Variants in ANKS1B observed in about 807,000 individuals in gnomAD.
ANKS1B encodes the protein ankyrin repeat and sterile alpha motif domain-containing protein 1B.
Under a neutral mutation model 148.3 loss-of-function variants are expected in ANKS1B, and 36 were observed. The ratio of observed to expected loss-of-function variants is 0.24; its 90% CI spans 0.19 to 0.32. The LOEUF (loss-of-function observed/expected upper bound fraction) is 0.32. Ranked by LOEUF, ANKS1B falls within the 10% of genes least tolerant of loss-of-function variation. ANKS1B has a pLI of 1.00. For synonymous variants in ANKS1B, 542 were observed against 560.8 expected (o/e 0.97, Z 0.47); for missense variants, 1,157 against 1,542.6 (o/e 0.75, Z 4.19).
At chr12:99,530,687 C>G (rs978554063) in intron 9 of ANKS1B, among the ~76,000 whole-genome samples, 1 of 151,992 alleles carries the variant, frequency 6.6e-6, no homozygotes, top group South Asian at 2.1e-4. Context: ...ATTTAATCTA[C>G]AGACAGAGGT....
At chr12:99,978,702 C>T (rs1314658388) in intron 1 of ANKS1B, among the ~76,000 whole-genome samples, 1 of 152,116 alleles carries the variant, frequency 6.6e-6, no homozygotes, top group Non-Finnish European at 1.5e-5. Flanking sequence ...CTGTTATCTC[C>T]CTGTATTCAT....
Position 98,868,948 on chromosome 12 carries a change from T to C in ANKS1B, c.2779-36812A>G, listed in dbSNP as rs147742683. Among the ~76,000 whole-genome samples, 14 of 152,330 alleles carry C rather than the reference T, an allele frequency of 9.2e-5. No individual in the cohort carries two copies. In the East Asian group the frequency reaches 2.7e-3, roughly 29 times the overall value. On this transcript the variant is annotated intron_variant, in intron 17 of 26. Coordinates refer to ENST00000683438, the MANE Select transcript of ANKS1B (RefSeq NM_001352186.2). ...ATCTCCTCAAGAGTCCTTTGAGAGA[T>C]ATATTTTATAACTGTTTTGTAGAAA...
intron 14 of ANKS1B, among the ~76,000 whole-genome samples, chr12:99,159,130 G>A (rs1358407921): frequency 6.6e-6 from 1 of 152,096 alleles, no homozygotes; most frequent in Non-Finnish European, 1.5e-5. Flanking sequence ...CCCCATGCCT[G>A]GAAGAGTGGC....
intron 4 of ANKS1B, among the ~76,000 whole-genome samples, chr12:99,798,442 A>C (rs1426983731): frequency 2.0e-5 from 3 of 151,434 alleles, no homozygotes; most frequent in Non-Finnish European, 4.4e-5. Context: ...AAAAAAAAAA[A>C]ACAAAAGATA....
chr12:99,609,604 C>T (rs1448774902), intron 9 of ANKS1B, among the ~76,000 whole-genome samples: 1 of 151,664 alleles, frequency 6.6e-6, no homozygotes, highest in East Asian at 1.9e-4. Flanking sequence ...ATTCAGGGAC[C>T]TCATCCACTG....
At chr12:99,255,698 T>C (rs1345911906) in intron 12 of ANKS1B, among the ~76,000 whole-genome samples, 1 of 152,176 alleles carries the variant, frequency 6.6e-6, no homozygotes, top group Non-Finnish European at 1.5e-5. Context: ...AAGTTAGTAT[T>C]ATGGCATCTC....
At chr12:99,173,323 A>C (rs11109750) in intron 14 of ANKS1B, among the ~76,000 whole-genome samples, 1 of 152,016 alleles carries the variant, frequency 6.6e-6, no homozygotes, top group Non-Finnish European at 1.5e-5. Context: ...GCTTATTTCC[A>C]TTTTCTACTA....
intron 8 of ANKS1B, among the ~76,000 whole-genome samples, chr12:99,702,737 G>C (rs527851581): frequency 9.3e-5 from 14 of 150,538 alleles, no homozygotes; most frequent in Admixed American, 5.3e-4. Context: ...TAGAGGCAGA[G>C]TTTCCCTATG....
chr12:99,648,796 C>T (rs2098398790), intron 9 of ANKS1B: 1 of 1,604,842 alleles, frequency 6.2e-7, no homozygotes, highest in Non-Finnish European at 8.5e-7. Flanking sequence ...AGTGGTGAGT[C>T]TATGCAGAGA....
chr12:99,416,911 A>G (rs2094926982), intron 11 of ANKS1B, among the ~76,000 whole-genome samples: 1 of 152,134 alleles, frequency 6.6e-6, no homozygotes, highest in Admixed American at 6.5e-5. Flanking sequence ...GAGCATAAAC[A>G]GAGGTGGGGA....
At chr12:99,622,608 T>C (rs527442469) in intron 9 of ANKS1B, among the ~76,000 whole-genome samples, 1 of 152,028 alleles carries the variant, frequency 6.6e-6, no homozygotes, top group African/African-American at 2.4e-5. Flanking sequence ...TGAACAGTTA[T>C]GTGCATACAG....
At chr12:98,846,245 C>T (rs2099467750) in intron 17 of ANKS1B, among the ~76,000 whole-genome samples, 2 of 152,290 alleles carry the variant, frequency 1.3e-5, no homozygotes, top group African/African-American at 4.8e-5. Context: ...TAAAGGAATT[C>T]TTAGGAGCAG....
At chr12:99,380,615 A>G (rs1294776638) in intron 12 of ANKS1B, among the ~76,000 whole-genome samples, 1 of 152,232 alleles carries the variant, frequency 6.6e-6, no homozygotes, top group Non-Finnish European at 1.5e-5. Context: ...ATGATTTAAA[A>G]TTAGCTTAAG....
At chr12:98,972,243 T>C (rs2099883783) in intron 17 of ANKS1B, among the ~76,000 whole-genome samples, 1 of 152,220 alleles carries the variant, frequency 6.6e-6, no homozygotes, top group Non-Finnish European at 1.5e-5. Context: ...CATTGCATTG[T>C]TTTGACAAGT....
intron 16 of ANKS1B, among the ~76,000 whole-genome samples, chr12:99,079,337 A>G (rs1363526407): frequency 2.0e-5 from 3 of 152,228 alleles, no homozygotes; most frequent in Non-Finnish European, 4.4e-5. Flanking sequence ...CTGAGGATAG[A>G]GAAGGGGGTA....
At chr12:99,294,916 G>T in intron 12 of ANKS1B, among the ~76,000 whole-genome samples, 1 of 152,132 alleles carries the variant, frequency 6.6e-6, no homozygotes, top group East Asian at 1.9e-4. Flanking sequence ...GCTTCCCAAA[G>T]AATTATTGCA....
At chr12:98,853,767 G>A (rs1262094788) in intron 17 of ANKS1B, among the ~76,000 whole-genome samples, 1 of 152,210 alleles carries the variant, frequency 6.6e-6, no homozygotes, top group Non-Finnish European at 1.5e-5. Flanking sequence ...AAACCAGACT[G>A]TAGGCTTGAG....
chr12:99,966,690 C>T (rs533347964), intron 1 of ANKS1B, among the ~76,000 whole-genome samples: 6 of 152,306 alleles, frequency 3.9e-5, no homozygotes, highest in African/African-American at 1.2e-4. Context: ...ATACTAAATG[C>T]ATAGTGTACA....
At chr12:98,875,415 T>C (rs962442173) in intron 17 of ANKS1B, among the ~76,000 whole-genome samples, 70 of 152,292 alleles carry the variant, frequency 4.6e-4, no homozygotes, top group African/African-American at 1.5e-3. Context: ...TGGTCCCTTC[T>C]GATCTCTTTA....
Sources: allele counts gnomAD v4.1 joint callset (sites outside exome capture counted in the v4.1 genomes callset), GRCh38; gene constraint gnomAD v4.1.1; transcripts MANE v1.5; gene names NCBI Gene and HGNC (gene_info 2026-07-23, HGNC 2026-07-21).